The following CPVL variants were observed in gnomAD, a reference collection of about 807,000 sequenced individuals.
The protein encoded by CPVL is carboxypeptidase vitellogenic like.
In CPVL, 51 loss-of-function variants were observed where a neutral mutation model predicts 63.7. That is an observed-to-expected ratio of 0.80 (90% CI 0.64 to 1.01). The LOEUF is 1.01. CPVL is among the 50% of genes least tolerant of loss of function. CPVL has a pLI of 0.00. For missense variants in CPVL, 530 were observed against 573.1 expected (o/e 0.92, Z 0.77); for synonymous variants, 195 against 206.0 (o/e 0.95, Z 0.46).
At chr7:29,081,324 C>T (rs958018252) in intron 7 of CPVL, 3 of 152,144 alleles carry the variant, frequency 2.0e-5, no homozygotes, top group African/African-American at 7.2e-5. Context: ...TTTACAGACA[C>T]ATTTGTCTCT....
chr7:29,110,463 C>A (rs528048799), intron 3 of CPVL, among the ~76,000 whole-genome samples: 1 of 152,272 alleles, frequency 6.6e-6, no homozygotes, highest in South Asian at 2.1e-4. Flanking sequence ...AGGGTAGTGG[C>A]CCATAGGCTG....
At chr7:28,995,917 A>G in intron 12 of CPVL, 35 bp from the exon 13 acceptor site, 1 of 1,185,172 alleles carries the variant, frequency 8.4e-7, no homozygotes, top group Non-Finnish European at 1.2e-6. Context: ...GGAAATTTAG[A>G]GAAATGGATA....
At chr7:29,116,231 G>A (rs1286791739) in intron 2 of CPVL, among the ~76,000 whole-genome samples, 2 of 152,140 alleles carry the variant, frequency 1.3e-5, no homozygotes, top group Non-Finnish European at 2.9e-5. Flanking sequence ...AAGATCTTAA[G>A]AAATTTAGAA....
At chr7:29,098,982 T>C (rs770629760) in intron 3 of CPVL, among the ~76,000 whole-genome samples, 4 of 152,006 alleles carry the variant, frequency 2.6e-5, no homozygotes, top group Non-Finnish European at 2.9e-5. Context: ...GGAGAATCGC[T>C]TGAACCCAGG....
At chr7:29,186,414 C>G (rs1798721446) in intron 2 of CPVL, 1 of 152,086 alleles carries the variant, frequency 6.6e-6, no homozygotes, top group Non-Finnish European at 1.5e-5. Flanking sequence ...AAAACCCTGT[C>G]TCCACTAAAA....
chr7:29,178,382 C>T (rs536234744), intron 5 of CPVL, among the ~76,000 whole-genome samples: 39 of 152,286 alleles, frequency 2.6e-4, no homozygotes, highest in African/African-American at 8.7e-4. Flanking sequence ...TGGTCTTCCT[C>T]TGCGTGCGGT....
chr7:29,110,714 G>C (rs1788149735), intron 3 of CPVL, among the ~76,000 whole-genome samples: 1 of 152,220 alleles, frequency 6.6e-6, no homozygotes, highest in Non-Finnish European at 1.5e-5. Flanking sequence ...TGTTAGGTTA[G>C]AGGGCAAAAG....
chr7:29,159,837 G>T (rs1794935941), intron 5 of CPVL, among the ~76,000 whole-genome samples: 1 of 152,136 alleles, frequency 6.6e-6, no homozygotes, highest in Non-Finnish European at 1.5e-5. Flanking sequence ...AAATTATTGT[G>T]ATTTGTCTCA....
intron 11 of CPVL, among the ~76,000 whole-genome samples, chr7:29,047,595 G>A (rs577319338): frequency 3.3e-5 from 5 of 152,252 alleles, no homozygotes; most frequent in South Asian, 2.1e-4. Context: ...TAGACAAATC[G>A]AAAAGTTTGG....
At chr7:29,157,983 G>A (rs1283970983) in intron 5 of CPVL, among the ~76,000 whole-genome samples, 2 of 152,092 alleles carry the variant, frequency 1.3e-5, no homozygotes, top group East Asian at 3.8e-4. Context: ...TTTGAAAATG[G>A]TTCCAAAGAG....
At chr7:29,179,099 G>A (rs1797741211) in intron 5 of CPVL, among the ~76,000 whole-genome samples, 1 of 152,152 alleles carries the variant, frequency 6.6e-6, no homozygotes, top group African/African-American at 2.4e-5. Flanking sequence ...ATATCATGCT[G>A]ACACACTTAC....
intron 7 of CPVL, among the ~76,000 whole-genome samples, chr7:29,076,034 G>A (rs925276455): frequency 4.9e-5 from 6 of 122,346 alleles, no homozygotes; most frequent in African/African-American, 1.6e-4. Context: ...TTCTCTGACC[G>A]CCATTAAGTA....
At chr7:29,090,409 A>C (rs2128603014) in intron 6 of CPVL, among the ~76,000 whole-genome samples, 1 of 152,356 alleles carries the variant, frequency 6.6e-6, no homozygotes, top group South Asian at 2.1e-4. Context: ...CCTGCTTCCT[A>C]GCTGCATTGC....
chr7:29,142,484 G>A (rs1033252530), intron 1 of CPVL, among the ~76,000 whole-genome samples: 6 of 149,282 alleles, frequency 4.0e-5, no homozygotes, highest in Non-Finnish European at 5.9e-5. Flanking sequence ...ATAACAGGAC[G>A]TCATCATTCT....
chr7:29,173,904 A>G (rs1796926309), intron 5 of CPVL, among the ~76,000 whole-genome samples: 1 of 151,542 alleles, frequency 6.6e-6, no homozygotes, highest in Non-Finnish European at 1.5e-5. Context: ...GTGAGCTGAG[A>G]TCACACCACT....
At chr7:29,000,781 C>T (rs1784555498) in intron 12 of CPVL, among the ~76,000 whole-genome samples, 1 of 152,116 alleles carries the variant, frequency 6.6e-6, no homozygotes, top group Non-Finnish European at 1.5e-5. Context: ...TTCACACTAT[C>T]TTGTTGCAGA....
At chr7:29,081,485 C>G (rs1784707174) in intron 7 of CPVL, 1 of 152,208 alleles carries the variant, frequency 6.6e-6, no homozygotes, top group African/African-American at 2.4e-5. Context: ...CACGGTGAGG[C>G]AGGGAGCCTG....
In CPVL at chr7:29,030,774, A is replaced by C; in HGVS notation, c.1138-15T>G. The C allele has an allele frequency of 6.3e-7, 1 of 1,589,070 alleles. No individual in the cohort carries two copies. Among genetic ancestry groups the C allele is most frequent in the Non-Finnish European group, 8.6e-7 (1 of 1,169,222 alleles). On this transcript the variant is annotated splice_polypyrimidine_tract_variant and intron_variant, in intron 11 of 12. Coordinates refer to ENST00000265394, the MANE Select transcript of CPVL (RefSeq NM_031311.5). ...TAGATCAGAACCTGAAATGAAATCA[A>C]GCCATCAGCAAATGCAAGATTCAGG... is the stretch of plus-strand genomic sequence containing the variant.
chr7:29,000,224 C>T (rs960722512), intron 12 of CPVL, among the ~76,000 whole-genome samples: 2 of 151,932 alleles, frequency 1.3e-5, no homozygotes, highest in Non-Finnish European at 2.9e-5. Context: ...CAAAGACCTG[C>T]CAGTAAAGGT....
Sources: allele counts gnomAD v4.1 joint callset (sites outside exome capture counted in the v4.1 genomes callset), GRCh38; gene constraint gnomAD v4.1.1; transcripts MANE v1.5; gene names NCBI Gene and HGNC (gene_info 2026-07-23, HGNC 2026-07-21).